LUZP2: variants seen among roughly 807,000 people sequenced by gnomAD.
The protein encoded by LUZP2 is leucine zipper protein 2.
In LUZP2, 52 loss-of-function variants were observed where a neutral mutation model predicts 51.6. The ratio of observed to expected loss-of-function variants is 1.01; its 90% confidence interval spans 0.81 to 1.27. The LOEUF is 1.27. LUZP2 is among the 50% of genes most tolerant of loss of function. The pLI, the probability that LUZP2 is intolerant of heterozygous loss-of-function variation, is 0.00. For missense variants in LUZP2, 436 were observed against 395.4 expected, an observed-to-expected ratio of 1.10 and a Z score of -0.87; for synonymous variants, 154 against 137.3, an observed-to-expected ratio of 1.12 and a Z score of -0.85.
chr11:24,745,672 ATTTGT>A (rs370565971), intron 4 of LUZP2, among the ~76,000 whole-genome samples: 34 of 151,644 alleles, frequency 2.2e-4, no homozygotes, highest in South Asian at 1.5e-3. Flanking sequence ...TTGTTGTTTG[ATTTGT>A]TTTGTTTTGT....
At chr11:24,672,919 C>T (rs1363201240) in intron 1 of LUZP2, among the ~76,000 whole-genome samples, 1 of 152,168 alleles carries the variant, frequency 6.6e-6, no homozygotes, top group African/African-American at 2.4e-5. Flanking sequence ...GAATTATTGC[C>T]TGAGCTCTGT....
chr11:24,609,758 A>G (rs1034296137), intron 1 of LUZP2, among the ~76,000 whole-genome samples: 1 of 129,234 alleles, frequency 7.7e-6, no homozygotes, highest in African/African-American at 2.8e-5. Context: ...AAAAAAAAAA[A>G]GAGATGGTAG....
intron 1 of LUZP2, among the ~76,000 whole-genome samples, chr11:24,505,252 A>T (rs573347040): frequency 6.6e-6 from 1 of 152,100 alleles, no homozygotes; most frequent in Admixed American, 6.6e-5. Context: ...ATCTAGAATC[A>T]CTTATTCCAT....
rs138890628 is a variant in LUZP2, at chr11:24,737,802, G to C, written c.252-419G>C. The stretch of plus-strand genomic sequence containing the variant: ...CAATGCTTTAGAATTAATTAATTAA[G>C]AGCATCAGAAGGGAACAGTAATTTT... On this transcript the variant is annotated intron_variant, in intron 3 of 11. Coordinates refer to ENST00000336930, the MANE Select transcript of LUZP2 (RefSeq NM_001009909.4). Among the ~76,000 whole-genome samples the C allele has an allele frequency of 1.4e-3, 213 of 152,194 alleles. 1 individual carries two copies. Among genetic ancestry groups the C allele is most frequent in the African/African-American group, 4.8e-3 (200 of 41,550 alleles).
intron 1 of LUZP2, among the ~76,000 whole-genome samples, chr11:24,663,413 G>C (rs1489892278): frequency 6.6e-6 from 1 of 152,068 alleles, no homozygotes; most frequent in South Asian, 2.1e-4. Context: ...CATGCTTCCT[G>C]TATAGCCTGT....
At chr11:25,026,893 TA>T (rs1296023777) in intron 9 of LUZP2, among the ~76,000 whole-genome samples, 1 of 118,486 alleles carries the variant, frequency 8.4e-6, no homozygotes, top group African/African-American at 2.6e-5. Context: ...TTTCTTTATT[TA>T]TTTTTTTATT....
At chr11:24,504,680 C>T (rs1850097594) in intron 1 of LUZP2, among the ~76,000 whole-genome samples, 1 of 151,930 alleles carries the variant, frequency 6.6e-6, no homozygotes, top group Non-Finnish European at 1.5e-5. Context: ...TTATATAGAA[C>T]ACCTCAAGCA....
At chr11:24,967,560 C>T (rs1855622607) in intron 7 of LUZP2, among the ~76,000 whole-genome samples, 1 of 151,610 alleles carries the variant, frequency 6.6e-6, no homozygotes, top group Admixed American at 6.6e-5. Flanking sequence ...AGGCCCTGTT[C>T]ATGTTTCTTC....
At chr11:24,823,351 G>A (rs1244328790) in intron 5 of LUZP2, among the ~76,000 whole-genome samples, 2 of 146,412 alleles carry the variant, frequency 1.4e-5, no homozygotes, top group African/African-American at 2.5e-5. Context: ...TGACTGAAGA[G>A]TAGTGGACAA....
At chr11:24,969,824 T>C (rs1590788415) in intron 7 of LUZP2, among the ~76,000 whole-genome samples, 2 of 151,938 alleles carry the variant, frequency 1.3e-5, no homozygotes, top group South Asian at 4.1e-4. Context: ...TGAGAAAGAG[T>C]GGAGTTATTA....
intron 5 of LUZP2, among the ~76,000 whole-genome samples, chr11:24,887,568 G>A (rs1218106412): frequency 1.3e-5 from 2 of 152,168 alleles, no homozygotes; most frequent in Admixed American, 6.6e-5. Flanking sequence ...TCTGGCCACT[G>A]ACTTGAACCA....
intron 5 of LUZP2, among the ~76,000 whole-genome samples, chr11:24,905,291 C>T (rs1019213607): frequency 3.9e-5 from 6 of 152,142 alleles, no homozygotes; most frequent in African/African-American, 7.2e-5. Flanking sequence ...TTTGTGAGGC[C>T]GAGGCAGGCC....
chr11:24,724,989 A>G (rs946631085), intron 1 of LUZP2, among the ~76,000 whole-genome samples: 3 of 152,184 alleles, frequency 2.0e-5, no homozygotes, highest in African/African-American at 7.2e-5. Context: ...ATAATAAATG[A>G]GAGTATATTT....
chr11:24,505,367 G>A (rs116944788), intron 1 of LUZP2, among the ~76,000 whole-genome samples: 6,533 of 152,132 alleles, frequency 0.043, 176 homozygotes, highest in Middle Eastern at 0.099. Context: ...AAGCTCAAAC[G>A]GAGACTCTGA....
intron 1 of LUZP2, among the ~76,000 whole-genome samples, chr11:24,722,856 G>A (rs1225792008): frequency 6.6e-6 from 1 of 151,748 alleles, no homozygotes; most frequent in Non-Finnish European, 1.5e-5. Flanking sequence ...CGTGGAGGTT[G>A]CAGTGAGCCG....
intron 5 of LUZP2, among the ~76,000 whole-genome samples, chr11:24,817,242 C>A (rs898097852): frequency 2.6e-5 from 4 of 151,894 alleles, no homozygotes; most frequent in African/African-American, 9.7e-5. Flanking sequence ...TTAATAACAA[C>A]AAGTATGTGT....
chr11:24,779,749 G>T (rs1849034266), intron 5 of LUZP2, among the ~76,000 whole-genome samples: 2 of 152,170 alleles, frequency 1.3e-5, no homozygotes, highest in African/African-American at 4.8e-5. Context: ...ATCTTGAGGT[G>T]ATGAGATTAT....
intron 5 of LUZP2, among the ~76,000 whole-genome samples, chr11:24,837,303 A>G (rs1850889479): frequency 6.6e-6 from 1 of 151,778 alleles, no homozygotes; most frequent in Admixed American, 6.6e-5. Flanking sequence ...TTCAAGGCTT[A>G]TTTGGACAAG....
intron 4 of LUZP2, among the ~76,000 whole-genome samples, chr11:24,744,867 C>T (rs937110207): frequency 9.2e-5 from 14 of 152,076 alleles, no homozygotes; most frequent in Non-Finnish European, 2.9e-5. Context: ...TTCCTCATAG[C>T]ACCACCTTTC....
Sources: gnomAD v4.1 joint callset for allele counts (sites outside exome capture counted in the v4.1 genomes callset) on GRCh38, gnomAD v4.1.1 for gene constraint, MANE v1.5 for transcripts, NCBI Gene and HGNC (gene_info 2026-07-23, HGNC 2026-07-21) for gene names.